GIN1: variants seen among roughly 807,000 people sequenced by gnomAD.
GIN1 encodes gypsy retrotransposon integrase 1.
In GIN1, 41 loss-of-function variants were observed where a neutral mutation model predicts 51.4. The observed-to-expected ratio is 0.80, with a 90% CI of 0.62 to 1.04. The LOEUF (loss-of-function observed/expected upper bound fraction) is 1.04, where lower values mean the gene tolerates loss of function less well. Ranked by LOEUF, GIN1 falls within the 50% of genes least tolerant of loss-of-function variation. The probability of loss-of-function intolerance (pLI) is 0.00; values close to 1 mark genes in which losing one functional copy is unlikely to be tolerated. For synonymous variants in GIN1, 222 were observed against 206.5 expected (o/e 1.07, Z -0.64); for missense variants, 610 against 612.4 (o/e 1.00, Z 0.04).
At chr5:103,108,972 T>A (rs1554196638) in intron 1 of GIN1, among the ~76,000 whole-genome samples, 1 of 151,984 alleles carries the variant, frequency 6.6e-6, no homozygotes, top group Non-Finnish European at 1.5e-5. Context: ...ATTTTCCACA[T>A]ACTGAGAAAA....
chr5:103,090,174 A>T (rs1562323861), intron 7 of GIN1, among the ~76,000 whole-genome samples: 1 of 152,186 alleles, frequency 6.6e-6, no homozygotes, highest in Non-Finnish European at 1.5e-5. Flanking sequence ...CTGTAATCCC[A>T]GCTACTGGGG....
chr5:103,108,869 C>T (rs1294957238), intron 1 of GIN1, among the ~76,000 whole-genome samples, 155 bp from the exon 2 acceptor site: 3 of 151,834 alleles, frequency 2.0e-5, no homozygotes, highest in African/African-American at 4.8e-5. Context: ...AAAGGAACAG[C>T]GATGTATATG....
At position 103,104,651 on chromosome 5, in the gene GIN1, G is replaced by C. The variant is rs1787672894; in HGVS notation, c.529C>G (p.Leu177Val). 1 of 1,607,824 alleles carries C rather than the reference G, an allele frequency of 6.2e-7. No homozygotes were observed. Among genetic ancestry groups the C allele is most frequent in the Non-Finnish European group, 8.5e-7 (1 of 1,174,362 alleles). Residue 177 changes from leucine to valine, a missense_variant, in exon 4 of 8, where the codon CTA (leucine) becomes GTA (valine). Coordinates refer to ENST00000399004, the MANE Select transcript of GIN1 (RefSeq NM_017676.2). ...LFTKWIVILPLCDVSASEVSK... is the reference protein window; with the variant it reads ...LFTKWIVILPVCDVSASEVSK... ...ACTTCTGATGCTGAAACATCACATA[G>C]AGGCAAAATCACAATCCATTTGGTG...
rs782470342 is a variant in GIN1, at chr5:103,106,852, G to C, written c.197C>G (p.Ser66Ter). 5.6e-6 allele frequency: 9 copies of C among 1,597,016 alleles called. No homozygotes were observed. The highest frequency in any genetic ancestry group is 5.1e-6 in the Non-Finnish European group (6 of 1,172,056). ...TAAGACTTTCTTTTTTTCCTCTTCT[G>C]AAACAATTACCAAACGATTTTGTTT... is the stretch of plus-strand genomic sequence containing the variant. ...DRKQNRLVIV[S>*]EEEKKKVLRE... Residue 66 changes from serine to a stop codon, truncating the protein, a stop_gained, in exon 3 of 8, where the codon TCA becomes TGA. Coordinates refer to ENST00000399004, the MANE Select transcript of GIN1 (RefSeq NM_017676.2). LOFTEE classifies it high-confidence loss of function.
chr5:103,106,194 C>G (rs1285840091), intron 3 of GIN1, among the ~76,000 whole-genome samples: 2 of 152,044 alleles, frequency 1.3e-5, no homozygotes, highest in African/African-American at 4.8e-5. Context: ...GTTGAAGGTC[C>G]CAATGGGTCA....
At chr5:103,114,000 C>T (rs1787957548) in intron 1 of GIN1, among the ~76,000 whole-genome samples, 1 of 152,176 alleles carries the variant, frequency 6.6e-6, no homozygotes, top group African/African-American at 2.4e-5. Context: ...TTGGCATTCT[C>T]AATTCAAAAC....
intron 1 of GIN1, among the ~76,000 whole-genome samples, chr5:103,109,037 A>T (rs1194763532): frequency 6.6e-6 from 1 of 152,128 alleles, no homozygotes; most frequent in Non-Finnish European, 1.5e-5. Flanking sequence ...CATTGCTATC[A>T]ACTGAAATGT....
At chr5:103,099,199 A>G (rs1262245190) in intron 4 of GIN1, among the ~76,000 whole-genome samples, 1 of 152,102 alleles carries the variant, frequency 6.6e-6, no homozygotes, top group African/African-American at 2.4e-5. Context: ...TTCTAGCCAA[A>G]AAGTTGTAAG....
chr5:103,099,808 G>T (rs1445576625), intron 4 of GIN1, among the ~76,000 whole-genome samples: 2 of 152,034 alleles, frequency 1.3e-5, no homozygotes, highest in Non-Finnish European at 2.9e-5. Flanking sequence ...CATTTTATTG[G>T]AACAATTTAG....
chr5:103,087,985 A>T lies in GIN1; in HGVS notation c.1482T>A (p.Ser494=), dbSNP rs1787125065. 1.3e-6 allele frequency: 2 copies of T among 1,594,872 alleles called. No homozygotes were observed. The highest frequency in any genetic ancestry group is 2.7e-5 in the African/African-American group (2 of 74,652). ...ELLEYRNTKI[S]PLIDDHSSLE... ...GAGAACTATGATCGTCTATCAATGG[A>T]GAGATTTTCGTATTTCTATATTCTA... The change falls in exon 8 of 8, where the codon TCT becomes TCA. Residue 494 remains serine (S), a synonymous_variant. Coordinates refer to ENST00000399004, the MANE Select transcript of GIN1 (RefSeq NM_017676.2).
In GIN1 at chr5:103,096,905, T is replaced by C. The variant is rs1170195404; in HGVS notation, c.1009-79A>G. The C allele has an allele frequency of 3.5e-5, 31 of 877,284 alleles. No homozygotes were observed. The South Asian group carries it at 3.8e-4, about 11-fold the overall frequency. 54.3% of individuals were successfully genotyped at this position (877,284 alleles called of 1,614,324 possible). A position where few individuals can be genotyped will look rare whatever the true frequency, so the allele number is the denominator to read the frequency against. ...AAGGTAAATGCAAATAATGAGAATA[T>C]TGTAACAAAATGGTACTTGAGATGC... On this transcript the variant is annotated intron_variant, in intron 6 of 7. Transcript: ENST00000399004.
intron 7 of GIN1, among the ~76,000 whole-genome samples, chr5:103,094,850 T>C (rs1554194853): frequency 6.6e-6 from 1 of 152,190 alleles, no homozygotes; most frequent in Admixed American, 6.5e-5. Context: ...ATGCAAGCTT[T>C]TATCTTCTAA....
intron 3 of GIN1, among the ~76,000 whole-genome samples, chr5:103,105,502 A>T (rs529807790): frequency 6.6e-6 from 1 of 152,330 alleles, no homozygotes; most frequent in South Asian, 2.1e-4. Flanking sequence ...AATCTATTCC[A>T]ACCATATTTA....
chr5:103,086,869 A>G lies in GIN1; in HGVS notation c.*1029T>C, dbSNP rs1787088143. The G allele has an allele frequency of 6.6e-6, 1 of 152,256 alleles. No homozygotes were observed. Among genetic ancestry groups the G allele is most frequent in the Admixed American group, 6.5e-5 (1 of 15,286 alleles). 9.4% of individuals were successfully genotyped at this position (152,256 alleles called of 1,614,324 possible). ...GTGCTTTAGAATAAATATTTATTGA[A>G]CAATATTTATTTTATATTTATGAAT... On this transcript the variant is annotated 3_prime_UTR_variant, in exon 8 of 8. Transcript: ENST00000399004.
chr5:103,092,622 C>T (rs1422299670), intron 7 of GIN1, among the ~76,000 whole-genome samples: 1 of 151,960 alleles, frequency 6.6e-6, no homozygotes, highest in Non-Finnish European at 1.5e-5. Flanking sequence ...CTAATACTGT[C>T]AACAGATAAC....
At chr5:103,107,957 T>C (rs568833912) in intron 2 of GIN1, among the ~76,000 whole-genome samples, 88 of 152,192 alleles carry the variant, frequency 5.8e-4, no homozygotes, top group Non-Finnish European at 1.1e-3. Flanking sequence ...TGGTGACTAC[T>C]TGTTGTTTAT....
intron 7 of GIN1, 81 bp from the exon 8 acceptor site, chr5:103,088,253 A>G: frequency 1.3e-6 from 1 of 759,388 alleles, no homozygotes; most frequent in Non-Finnish European, 2.0e-6. Context: ...TAAGTGAGGA[A>G]CAAAATCCCA....
chr5:103,105,743 T>C (rs1429940743), intron 3 of GIN1, among the ~76,000 whole-genome samples: 2 of 152,166 alleles, frequency 1.3e-5, no homozygotes, highest in African/African-American at 4.8e-5. Flanking sequence ...TTAAAAGCCA[T>C]TTAATCCCAT....
At chr5:103,118,775 T>C (rs1289138415) in intron 1 of GIN1, among the ~76,000 whole-genome samples, 2 of 151,284 alleles carry the variant, frequency 1.3e-5, no homozygotes, top group Admixed American at 1.3e-4. Context: ...AGCCCATACA[T>C]ATGAGAAAAT....
Sources: gnomAD v4.1 joint callset for allele counts (sites outside exome capture counted in the v4.1 genomes callset) on GRCh38, gnomAD v4.1.1 for gene constraint, MANE v1.5 for transcripts, NCBI Gene and HGNC (gene_info 2026-07-23, HGNC 2026-07-21) for gene names.